The following CMC2 variants were observed in gnomAD, a reference collection of about 807,000 sequenced individuals.
The protein encoded by CMC2 is COX assembly mitochondrial protein 2 homolog.
In CMC2, 5 loss-of-function variants were observed where a neutral mutation model predicts 7.5. The observed-to-expected ratio is 0.66, with a 90% CI of 0.35 to 1.40. The LOEUF is 1.40. CMC2 is among the 40% of genes most tolerant of loss of function. The pLI is 0.04. For missense variants in CMC2, 115 were observed against 92.3 expected (o/e 1.25, Z -1.01); for synonymous variants, 37 against 31.4 (o/e 1.18, Z -0.60).
At chr16:81,003,853 T>C (rs1400909707) in intron 1 of CMC2, among the ~76,000 whole-genome samples, 1 of 152,250 alleles carries the variant, frequency 6.6e-6, no homozygotes, top group Non-Finnish European at 1.5e-5. Flanking sequence ...GTTACTAATC[T>C]GAGACCTAAG....
rs963142942 is a variant in CMC2 at position 80,976,259 on chromosome 16, T to C, written c.154-80A>G. On this transcript the variant is annotated intron_variant, in intron 3 of 3. Coordinates refer to ENST00000219400, the MANE Select transcript of CMC2 (RefSeq NM_020188.5). ...ATAGCAGTTTACTATTTAGAAATAT[T>C]TGCAAAATATAAATGTCCTTTGAGG... 8.2e-6 allele frequency: 6 copies of C among 734,294 alleles called. No individual in the cohort carries two copies. In the African/African-American group the frequency reaches 1.1e-4, roughly 14 times the overall value. 45.5% of individuals were successfully genotyped at this position (734,294 alleles called of 1,614,324 possible).
intron 1 of CMC2, chr16:80,998,670 A>C (rs916035547): frequency 6.6e-6 from 1 of 152,230 alleles, no homozygotes; most frequent in African/African-American, 2.4e-5. Context: ...GTATATACAT[A>C]CAATGGAATA....
At chr16:80,980,258 C>G (rs1051668344) in intron 3 of CMC2, among the ~76,000 whole-genome samples, 1 of 151,692 alleles carries the variant, frequency 6.6e-6, no homozygotes, top group Non-Finnish European at 1.5e-5. Flanking sequence ...TTCATGTAAA[C>G]TGGCTTTTTC....
chr16:81,002,415 T>A (rs2602410), intron 1 of CMC2, among the ~76,000 whole-genome samples: 95,823 of 151,982 alleles, frequency 0.63, 31,726 homozygotes, highest in South Asian at 0.79. Flanking sequence ...ACAGCGCAAG[T>A]CTCCATCTCA....
intron 2 of CMC2, among the ~76,000 whole-genome samples, chr16:80,985,745 A>G (rs1312783865): frequency 6.6e-6 from 1 of 152,048 alleles, no homozygotes; most frequent in African/African-American, 2.4e-5. Flanking sequence ...TAGGCCAGGA[A>G]AGGGAAAAGG....
intron 2 of CMC2, 100 bp from the exon 3 acceptor site, chr16:80,981,977 C>A: frequency 1.5e-6 from 1 of 651,170 alleles, no homozygotes; most frequent in Non-Finnish European, 2.6e-6. Flanking sequence ...TTTACAGTGT[C>A]ACTTTGTTAA....
chr16:80,971,564 T>TATATATATATATA lies in CMC2; in HGVS notation c.*4528_*4529insTATATATATATAT, dbSNP rs1555512300. The TATATATATATATA allele has an allele frequency of 7.2e-4, 87 of 121,242 alleles. 2 individuals are homozygous for TATATATATATATA. Among genetic ancestry groups the TATATATATATATA allele is most frequent in the African/African-American group, 3.1e-3 (79 of 25,752 alleles). The allele number at this position is 121,242 out of a possible 1,614,324, so 7.5% of individuals were successfully genotyped here. On this transcript the variant is annotated 3_prime_UTR_variant, in exon 4 of 4. Transcript: ENST00000219400. ...CTATGGATACTGACATACATACATT[T>TATATATATATATA]TATATATATATATATATATATGTAT...
intron 1 of CMC2, among the ~76,000 whole-genome samples, chr16:81,001,647 T>C (rs1312053783): frequency 2.6e-5 from 4 of 152,180 alleles, no homozygotes; most frequent in Admixed American, 2.6e-4. Flanking sequence ...ACCATGCGAA[T>C]TTTATGGTAT....
intron 1 of CMC2, among the ~76,000 whole-genome samples, chr16:80,999,765 T>A (rs889896341): frequency 6.6e-6 from 1 of 152,220 alleles, no homozygotes; most frequent in Non-Finnish European, 1.5e-5. Context: ...ACACTTTTGA[T>A]CTTTGACAAA....
At chr16:81,005,178 C>T (rs963578458) in intron 1 of CMC2, among the ~76,000 whole-genome samples, 1 of 152,190 alleles carries the variant, frequency 6.6e-6, no homozygotes, top group Non-Finnish European at 1.5e-5. Flanking sequence ...CCTGTAATCC[C>T]ACCACTTCGG....
At chr16:80,993,262 G>GA (rs1256610277) in intron 2 of CMC2, among the ~76,000 whole-genome samples, 6 of 152,228 alleles carry the variant, frequency 3.9e-5, no homozygotes, top group East Asian at 3.9e-4. Context: ...ATAACTGAAA[G>GA]AAAAAAACAA....
Position 80,997,365 on chromosome 16 carries a change from G to A in CMC2, c.30C>T (p.His10=). 1 of 1,596,190 alleles carries A rather than the reference G, an allele frequency of 6.3e-7. No homozygotes were observed. Among genetic ancestry groups the A allele is most frequent in the Non-Finnish European group, 8.6e-7 (1 of 1,168,114 alleles). The change falls in exon 2 of 4, where the codon CAC becomes CAT. Residue 10 remains histidine, a synonymous_variant. Transcript: ENST00000219400. ...TAATCAAGACGTTGCATTCTTCAGTGTGCAAGTGTGGAGATAAGTCAGGAT... is the reference window on the plus strand; with the variant it reads ...TAATCAAGACGTTGCATTCTTCAGTATGCAAGTGTGGAGATAAGTCAGGAT... MHPDLSPHL[H]TEECNVLINL...
intron 2 of CMC2, among the ~76,000 whole-genome samples, chr16:80,996,652 G>C (rs899338579): frequency 1.3e-5 from 2 of 152,098 alleles, no homozygotes; most frequent in African/African-American, 2.4e-5. Flanking sequence ...ACAGTTTGTA[G>C]ACATCATGAG....
chr16:80,993,880 T>C (rs908256117), intron 2 of CMC2, among the ~76,000 whole-genome samples: 6 of 152,100 alleles, frequency 3.9e-5, no homozygotes, highest in South Asian at 2.1e-4. Flanking sequence ...TGAAAGTACT[T>C]AGAATAGCCA....
chr16:80,996,935 A>G, intron 2 of CMC2: 1 of 414,896 alleles, frequency 2.4e-6, no homozygotes. Context: ...TTAAACACAG[A>G]ATGGTAGCCA....
rs796737538 is a variant in CMC2 at position 80,972,555 on chromosome 16, C to A, written c.*3538G>T. 6.6e-6 allele frequency: 1 copy of A among 152,168 alleles called. No individual in the cohort carries two copies. Among genetic ancestry groups the A allele is most frequent in the Non-Finnish European group, 1.5e-5 (1 of 68,032 alleles). The allele number at this position is 152,168 out of a possible 1,614,324, so 9.4% of individuals were successfully genotyped here. ...GGTGAGAAACAGCTCAACTTTCTAG[C>A]CTCACTCTTAAGTAAAATTGTGTAG... On this transcript the variant is annotated 3_prime_UTR_variant, in exon 4 of 4. Transcript: ENST00000219400.
At chr16:80,982,631 C>T (rs1967212887) in intron 2 of CMC2, 1 of 148,272 alleles carries the variant, frequency 6.7e-6, no homozygotes, top group African/African-American at 2.5e-5. Flanking sequence ...ACACACAGAA[C>T]ATAAATAGCA....
intron 2 of CMC2, chr16:80,992,078 G>A (rs764375094): frequency 5.5e-6 from 2 of 366,494 alleles, no homozygotes; most frequent in Non-Finnish European, 1.1e-5. Flanking sequence ...CCTTATCAAT[G>A]TAAGATGTTA....
chr16:80,967,896 T>A lies in CMC2; in HGVS notation c.*8197A>T, dbSNP rs1911665009. 1 of 152,212 alleles carries A rather than the reference T, an allele frequency of 6.6e-6. No individual in the cohort carries two copies. The highest frequency in any genetic ancestry group is 2.1e-4 in the South Asian group (1 of 4,830). The allele number at this position is 152,212 out of a possible 1,614,324, so 9.4% of individuals were successfully genotyped here. A position where few individuals can be genotyped will look rare whatever the true frequency, so the allele number is the denominator to read the frequency against. ...TTTGCTGTCATATTCAATGACAACA[T>A]ACCATATTAACGCTTCCTATTTTTT... On this transcript the variant is annotated 3_prime_UTR_variant, in exon 4 of 4. Transcript: ENST00000219400.
Sources: allele counts gnomAD v4.1 joint callset (sites outside exome capture counted in the v4.1 genomes callset), GRCh38; gene constraint gnomAD v4.1.1; transcripts MANE v1.5; gene names NCBI Gene and HGNC (gene_info 2026-07-23, HGNC 2026-07-21).